Variants in TIAM1 observed in about 807,000 individuals in gnomAD.
TIAM1 encodes the protein rho guanine nucleotide exchange factor TIAM1.
TIAM1 carries 65 observed loss-of-function variants against 163.5 expected under a neutral mutation model. The observed-to-expected ratio is 0.40, with a 90% CI of 0.33 to 0.49. TIAM1 has a LOEUF of 0.49. Ranked by LOEUF, TIAM1 falls within the 20% of genes least tolerant of loss-of-function variation. TIAM1 has a pLI of 0.77. For missense variants in TIAM1, 1,789 were observed against 2,044.7 expected, an observed-to-expected ratio of 0.87 and a Z score of 2.41; for synonymous variants, 833 against 810.1, an observed-to-expected ratio of 1.03 and a Z score of -0.48.
chr21:31,449,320 C>T (rs1372286749), intron 2 of TIAM1, among the ~76,000 whole-genome samples: 1 of 151,938 alleles, frequency 6.6e-6, no homozygotes, highest in Admixed American at 6.6e-5. Flanking sequence ...AGCCCAATAC[C>T]AGACACATAC....
chr21:31,336,776 G>C (rs2075855350), intron 2 of TIAM1, among the ~76,000 whole-genome samples: 1 of 152,084 alleles, frequency 6.6e-6, no homozygotes, highest in Non-Finnish European at 1.5e-5. Context: ...AAGACAGCCG[G>C]GAGGAGGTGG....
intron 2 of TIAM1, among the ~76,000 whole-genome samples, chr21:31,402,930 C>T (rs558053028): frequency 1.1e-4 from 17 of 152,086 alleles, no homozygotes; most frequent in African/African-American, 2.4e-4. Flanking sequence ...CCAGCCTGGG[C>T]GACAGAGTGA....
intron 6 of TIAM1, among the ~76,000 whole-genome samples, chr21:31,243,731 C>T (rs747403363): frequency 2.0e-5 from 3 of 152,068 alleles, no homozygotes; most frequent in Admixed American, 6.5e-5. Context: ...AACTGTTTAA[C>T]GACAAAGTCA....
chr21:31,225,623 G>C, intron 7 of TIAM1, 103 bp downstream of exon 7: 1 of 891,422 alleles, frequency 1.1e-6, no homozygotes, highest in Non-Finnish European at 1.7e-6. Context: ...CTGTCGAGGA[G>C]ATATCCGATG....
In TIAM1 at chr21:31,245,372, T is replaced by TAA. The variant is rs35494700; in HGVS notation, c.1584+114_1584+115dup. The TAA allele has an allele frequency of 3.1e-3, 644 of 209,604 alleles. 8 individuals carry two copies. The highest frequency in any genetic ancestry group is 0.01 in the African/African-American group (218 of 21,458). 13.0% of individuals were successfully genotyped at this position (209,604 alleles called of 1,614,324 possible). A position where few individuals can be genotyped will look rare whatever the true frequency, so the allele number is the denominator to read the frequency against. On this transcript the variant is annotated intron_variant, in intron 6 of 27. Coordinates refer to ENST00000541036, the MANE Select transcript of TIAM1 (RefSeq NM_001353694.2). ...ATGAGCAACAGATTAATCTCACCAC[T>TAA]AAAAAAAAAAAAAAAAAAAAAAAAA...
chr21:31,193,307 T>G (rs757853756), intron 13 of TIAM1, among the ~76,000 whole-genome samples: 2 of 152,190 alleles, frequency 1.3e-5, no homozygotes, highest in Non-Finnish European at 2.9e-5. Context: ...TCACAGTGCC[T>G]AAACTGTGGT....
chr21:31,357,582 C>T (rs1244942316), intron 2 of TIAM1, among the ~76,000 whole-genome samples: 2 of 152,148 alleles, frequency 1.3e-5, no homozygotes, highest in Non-Finnish European at 2.9e-5. Flanking sequence ...CCTCTCTCTC[C>T]TCCACATCAT....
chr21:31,285,305 G>T (rs1318163613), intron 2 of TIAM1, among the ~76,000 whole-genome samples: 1 of 152,176 alleles, frequency 6.6e-6, no homozygotes, highest in Non-Finnish European at 1.5e-5. Flanking sequence ...AGAGGCCAGG[G>T]TGGCAACTAA....
intron 1 of TIAM1, among the ~76,000 whole-genome samples, chr21:31,551,993 G>A (rs886726878): frequency 2.7e-5 from 4 of 150,554 alleles, no homozygotes; most frequent in African/African-American, 9.7e-5. Context: ...CTTTTCAAGA[G>A]AAGCGCATCT....
At chr21:31,365,387 CTTTTTT>C (rs772457613) in intron 2 of TIAM1, among the ~76,000 whole-genome samples, 1 of 128,828 alleles carries the variant, frequency 7.8e-6, no homozygotes, top group Non-Finnish European at 1.6e-5. Flanking sequence ...TTATTTCTTT[CTTTTTT>C]TTTTTTTTTT....
At position 31,141,226 on chromosome 21, in the gene TIAM1, C is replaced by T; in HGVS notation, c.3666G>A (p.Lys1222=). Residue 1222 remains lysine, a synonymous_variant, in exon 22 of 28, where the codon AAG becomes AAA. Transcript: ENST00000541036. This position sits in a 1 kb window ranked among gnomAD's most constrained non-coding sequence, Gnocchi z 4.7. ...EEHYHLDVAI[K]TMNKVASHIN... Reference sequence around the variant, plus strand: ...TGTGACTGGCAACCTTGTTCATGGTCTTGATGGCCACTGGAAGAAAACAGG... The same window carrying T: ...TGTGACTGGCAACCTTGTTCATGGTTTTGATGGCCACTGGAAGAAAACAGG... 1 of 1,614,134 alleles carries T rather than the reference C, an allele frequency of 6.2e-7. No homozygotes were observed. Among genetic ancestry groups the T allele is most frequent in the Non-Finnish European group, 8.5e-7 (1 of 1,180,028 alleles).
intron 17 of TIAM1, among the ~76,000 whole-genome samples, chr21:31,153,438 C>T (rs1044363111): frequency 1.2e-4 from 19 of 152,100 alleles, no homozygotes; most frequent in Admixed American, 5.2e-4. Context: ...TGGCTGTGTT[C>T]TCATCAAACT....
chr21:31,503,512 AAAG>A (rs1460060009), intron 1 of TIAM1, among the ~76,000 whole-genome samples: 6 of 119,850 alleles, frequency 5.0e-5, no homozygotes, highest in Non-Finnish European at 1.0e-4. Context: ...AAAGAGAAAA[AAAG>A]AGAAAGAGAA....
intron 2 of TIAM1, among the ~76,000 whole-genome samples, chr21:31,277,553 G>A (rs1162050505): frequency 2.0e-5 from 3 of 152,218 alleles, no homozygotes; most frequent in African/African-American, 7.2e-5. Flanking sequence ...GCTGTGGCGG[G>A]AGAATCGCTG....
intron 2 of TIAM1, among the ~76,000 whole-genome samples, chr21:31,350,371 G>A (rs981914223): frequency 6.6e-6 from 1 of 152,110 alleles, no homozygotes; most frequent in African/African-American, 2.4e-5. Context: ...AAACATACTG[G>A]GGCAGGGAGT....
upstream of TIAM1, among the ~76,000 whole-genome samples, chr21:31,345,813 G>A (rs538008298): frequency 8.5e-5 from 13 of 152,202 alleles, no homozygotes; most frequent in African/African-American, 1.4e-4. Context: ...AGCCAGGCAC[G>A]GTGGTGTGTG....
chr21:31,185,540 CATTATAT>C (rs975654474), intron 14 of TIAM1, among the ~76,000 whole-genome samples: 25 of 135,126 alleles, frequency 1.9e-4, no homozygotes, highest in South Asian at 1.4e-3. Context: ...TATATTATGC[CATTATAT>C]ATTATATATT....
intron 2 of TIAM1, among the ~76,000 whole-genome samples, chr21:31,401,992 ATCAGGAAG>A (rs556810062): frequency 5.5e-4 from 84 of 151,982 alleles, no homozygotes; most frequent in Admixed American, 1.8e-3. Context: ...ATGCGGGTGG[ATCAGGAAG>A]TCAGGAGATC....
chr21:31,318,478 C>T (rs4817395), intron 2 of TIAM1, among the ~76,000 whole-genome samples: 8,820 of 152,182 alleles, frequency 0.058, 881 homozygotes, highest in East Asian at 0.36. Flanking sequence ...CCAAGACATT[C>T]CCACAGCCTA....
Sources: gnomAD v4.1 joint callset for allele counts (sites outside exome capture counted in the v4.1 genomes callset) on GRCh38, gnomAD v4.1.1 for gene constraint, Gnocchi (gnomAD v3.1) non-coding constraint, MANE v1.5 for transcripts, NCBI Gene and HGNC (gene_info 2026-07-23, HGNC 2026-07-21) for gene names.